The following SOBP variants were observed in gnomAD, a reference collection of about 807,000 sequenced individuals.
The protein encoded by SOBP is sine oculis binding protein homolog.
SOBP carries 4 observed loss-of-function variants against 53.6 expected under a neutral mutation model. That is an observed-to-expected ratio of 0.07 (90% confidence interval 0.04 to 0.17). The LOEUF is 0.17. SOBP is among the 10% of genes least tolerant of loss of function. SOBP has a pLI of 1.00. For synonymous variants in SOBP, 584 were observed against 522.6 expected (o/e 1.12, Z -1.60); for missense variants, 1,088 against 1,204.7 (o/e 0.90, Z 1.43).
intron 6 of SOBP, among the ~76,000 whole-genome samples, chr6:107,638,243 A>G (rs1467686090): frequency 6.6e-6 from 1 of 151,998 alleles, no homozygotes. Context: ...CAGAGTCTCA[A>G]TCTGTCACCC....
In SOBP at chr6:107,626,955, T is replaced by G. The variant is rs564895771; in HGVS notation, c.670-6559T>G. 3.3e-5 allele frequency among the ~76,000 whole-genome samples: 5 copies of G among 152,322 alleles called. No homozygotes were observed. In the East Asian group the frequency reaches 9.6e-4, roughly 29 times the overall value. On this transcript the variant is annotated intron_variant, in intron 5 of 6. Transcript: ENST00000317357. ...TGATCACCGAGGTTCCTTTCAGGGC[T>G]TAATTTCACTGCTTTGAGATTTCTT...
intron 6 of SOBP, among the ~76,000 whole-genome samples, chr6:107,649,970 A>G (rs116293751): frequency 0.015 from 2,248 of 152,306 alleles, 66 homozygotes; most frequent in African/African-American, 0.052. Flanking sequence ...CCCCTAACCC[A>G]TAGAACCAGC....
chr6:107,518,340 A>G (rs1316363937), intron 3 of SOBP, among the ~76,000 whole-genome samples: 2 of 152,200 alleles, frequency 1.3e-5, no homozygotes, highest in Non-Finnish European at 2.9e-5. Flanking sequence ...GATTGACAAT[A>G]CCAAGTTTGA....
At chr6:107,520,683 C>T (rs1375349102) in intron 3 of SOBP, among the ~76,000 whole-genome samples, 5 of 152,142 alleles carry the variant, frequency 3.3e-5, no homozygotes, top group Non-Finnish European at 7.4e-5. Context: ...AGAGGGTGGC[C>T]GTGTTTCTGG....
chr6:107,591,525 A>G (rs977423500), intron 5 of SOBP, among the ~76,000 whole-genome samples: 2 of 152,166 alleles, frequency 1.3e-5, no homozygotes, highest in African/African-American at 4.8e-5. Context: ...GTGTAAGGGA[A>G]GGGGGTTTTC....
chr6:107,551,531 C>A (rs1374744995), intron 4 of SOBP, among the ~76,000 whole-genome samples: 1 of 152,136 alleles, frequency 6.6e-6, no homozygotes, highest in Non-Finnish European at 1.5e-5. Flanking sequence ...TATGTCACAG[C>A]TACAACCTGG....
intron 5 of SOBP, among the ~76,000 whole-genome samples, chr6:107,592,082 A>T (rs563674936): frequency 2.0e-5 from 3 of 150,852 alleles, no homozygotes; most frequent in Admixed American, 1.3e-4. Context: ...CAATGCATAC[A>T]TAAAACAAAT....
At chr6:107,528,581 G>A (rs112831961) in intron 3 of SOBP, among the ~76,000 whole-genome samples, 3 of 152,218 alleles carry the variant, frequency 2.0e-5, no homozygotes, top group African/African-American at 7.2e-5. Flanking sequence ...GGCTTGCACC[G>A]TGGGCCTTTA....
At chr6:107,594,733 C>G (rs912051907) in intron 5 of SOBP, among the ~76,000 whole-genome samples, 1 of 152,242 alleles carries the variant, frequency 6.6e-6, no homozygotes, top group African/African-American at 2.4e-5. Context: ...GCACTGTGAT[C>G]TGTCTGTATA....
At chr6:107,590,865 C>T (rs1435059295) in intron 5 of SOBP, among the ~76,000 whole-genome samples, 2 of 152,036 alleles carry the variant, frequency 1.3e-5, no homozygotes, top group Non-Finnish European at 2.9e-5. Flanking sequence ...GTAGAAATAC[C>T]CCGTGCTAAT....
At chr6:107,609,308 C>T (rs1049042176) in intron 5 of SOBP, among the ~76,000 whole-genome samples, 7 of 152,198 alleles carry the variant, frequency 4.6e-5, no homozygotes, top group African/African-American at 1.2e-4. Context: ...ATGATCTTTG[C>T]ACCCCCTGGG....
In SOBP at chr6:107,553,630, C is replaced by T. The variant is rs1422346443; in HGVS notation, c.573+20020C>T. On this transcript the variant is annotated intron_variant, in intron 4 of 6. Transcript: ENST00000317357. Reference sequence around the variant, plus strand: ...CCTCCCAAGTAGCTGGGATTATAGGCGCCCGCCACCATGCCTGGCTAATTT... The same window carrying T: ...CCTCCCAAGTAGCTGGGATTATAGGTGCCCGCCACCATGCCTGGCTAATTT... Among the ~76,000 whole-genome samples the T allele has an allele frequency of 5.3e-5, 8 of 151,984 alleles. No individual in the cohort carries two copies. In the East Asian group the frequency reaches 5.8e-4, roughly 11 times the overall value.
intron 5 of SOBP, among the ~76,000 whole-genome samples, chr6:107,613,983 A>G (rs1307252308): frequency 6.6e-6 from 1 of 152,248 alleles, no homozygotes; most frequent in Non-Finnish European, 1.5e-5. Context: ...CAGCTCTAGC[A>G]ATCTCTGAGG....
intron 6 of SOBP, among the ~76,000 whole-genome samples, chr6:107,655,533 T>C (rs1771996241): frequency 6.6e-6 from 1 of 152,194 alleles, no homozygotes. Flanking sequence ...TTTACCATTC[T>C]CTTAAAATAA....
At chr6:107,500,648 A>G (rs1038771530) in intron 1 of SOBP, among the ~76,000 whole-genome samples, 78 of 151,654 alleles carry the variant, frequency 5.1e-4, no homozygotes, top group African/African-American at 1.8e-3. Context: ...CAGCCTCCCA[A>G]GTAGCTGGGA....
At chr6:107,546,387 G>A (rs1458515321) in intron 4 of SOBP, among the ~76,000 whole-genome samples, 1 of 152,216 alleles carries the variant, frequency 6.6e-6, no homozygotes, top group Non-Finnish European at 1.5e-5. Flanking sequence ...CTGTAAATCA[G>A]AGGGTCCAAA....
intron 3 of SOBP, among the ~76,000 whole-genome samples, chr6:107,518,749 TG>T (rs1204040664): frequency 1.4e-5 from 1 of 71,572 alleles, no homozygotes; most frequent in Non-Finnish European, 3.3e-5. Flanking sequence ...TAGGAAAGGC[TG>T]TTTTTTTTTT....
At chr6:107,614,151 C>G (rs1387935754) in intron 5 of SOBP, among the ~76,000 whole-genome samples, 1 of 152,180 alleles carries the variant, frequency 6.6e-6, no homozygotes, top group Non-Finnish European at 1.5e-5. Context: ...CCTAAAATCC[C>G]AGCACTTTGG....
chr6:107,623,225 T>A (rs1362677157), intron 5 of SOBP, among the ~76,000 whole-genome samples: 1 of 152,164 alleles, frequency 6.6e-6, no homozygotes, highest in Non-Finnish European at 1.5e-5. Context: ...GGGCTTTGTG[T>A]AAAGTTCTGA....
Sources: allele counts gnomAD v4.1 joint callset (sites outside exome capture counted in the v4.1 genomes callset), GRCh38; gene constraint gnomAD v4.1.1; transcripts MANE v1.5; gene names NCBI Gene and HGNC (gene_info 2026-07-23, HGNC 2026-07-21).